EYS: variants seen among roughly 807,000 people sequenced by gnomAD.
The protein encoded by EYS is protein eyes shut homolog.
EYS carries 250 observed loss-of-function variants against 282.1 expected under a neutral mutation model. That is an observed-to-expected ratio of 0.89 (90% CI 0.80 to 0.98). The LOEUF is 0.98. EYS is among the 50% of genes least tolerant of loss of function. The pLI is 0.00. For synonymous variants in EYS, 1,355 were observed against 1,282.9 expected (o/e 1.06, Z -1.20); for missense variants, 4,016 against 3,709.0 (o/e 1.08, Z -2.15).
rs139243840 is a variant in EYS, at chr6:65,273,814, G to A, written c.2023+22049C>T. ...AAACCCCACTCTGTCTTTGTTCAAG[G>A]TTCAGCTTTTTGTATGCGAATCCAC... On this transcript the variant is annotated intron_variant, in intron 12 of 42. Coordinates refer to ENST00000503581, the MANE Select transcript of EYS (RefSeq NM_001142800.2). 1.5e-4 allele frequency among the ~76,000 whole-genome samples: 23 copies of A among 152,184 alleles called. 1 individual carries two copies. The highest frequency in any genetic ancestry group is 5.1e-4 in the African/African-American group (21 of 41,534).
chr6:63,823,650 A>G (rs1028625345), intron 36 of EYS, among the ~76,000 whole-genome samples: 2 of 152,094 alleles, frequency 1.3e-5, no homozygotes, highest in Admixed American at 6.5e-5. Context: ...TTTAGCTTTA[A>G]TAATAACCAA....
At chr6:64,513,566 G>A (rs1724824158) in intron 26 of EYS, among the ~76,000 whole-genome samples, 1 of 151,782 alleles carries the variant, frequency 6.6e-6, no homozygotes, top group South Asian at 2.1e-4. Flanking sequence ...ATGGGTAATG[G>A]ATAATGGGCA....
chr6:64,635,540 T>C (rs903153812), intron 22 of EYS, among the ~76,000 whole-genome samples: 2 of 152,230 alleles, frequency 1.3e-5, no homozygotes, highest in African/African-American at 4.8e-5. Context: ...GAAGTAGTTG[T>C]TGAATTTTGT....
chr6:64,707,701 A>G (rs1231272609), intron 22 of EYS, among the ~76,000 whole-genome samples: 2 of 150,550 alleles, frequency 1.3e-5, no homozygotes, highest in East Asian at 2.0e-4. Flanking sequence ...CATTGGGTAC[A>G]GTGTACACTG....
intron 22 of EYS, among the ~76,000 whole-genome samples, chr6:64,662,561 T>A (rs935525308): frequency 4.6e-5 from 7 of 152,166 alleles, no homozygotes; most frequent in Non-Finnish European, 1.0e-4. Flanking sequence ...TGAAATGCCT[T>A]TATTAAACTC....
chr6:63,874,827 C>G (rs185829644), intron 35 of EYS, among the ~76,000 whole-genome samples: 1 of 152,278 alleles, frequency 6.6e-6, no homozygotes, highest in Admixed American at 6.5e-5. Context: ...ATTTTGTATC[C>G]TGAGACTTTA....
intron 12 of EYS, among the ~76,000 whole-genome samples, chr6:65,173,034 A>C (rs926317040): frequency 1.3e-5 from 2 of 151,182 alleles, no homozygotes; most frequent in African/African-American, 4.8e-5. Context: ...TTTAATTGAA[A>C]TTCTCTACTT....
chr6:65,232,581 C>A (rs9453229), intron 12 of EYS, among the ~76,000 whole-genome samples: 2,076 of 152,092 alleles, frequency 0.014, 30 homozygotes, highest in African/African-American at 0.042. Flanking sequence ...CCCATATACC[C>A]CTCACCCAGT....
intron 21 of EYS, among the ~76,000 whole-genome samples, chr6:64,816,159 A>G (rs1764736874): frequency 6.6e-6 from 1 of 152,136 alleles, no homozygotes; most frequent in Non-Finnish European, 1.5e-5. Context: ...AGAGAGAACT[A>G]CTATTTGAAG....
At chr6:65,166,198 A>T (rs1159019808) in intron 12 of EYS, among the ~76,000 whole-genome samples, 1 of 151,076 alleles carries the variant, frequency 6.6e-6, no homozygotes, top group Non-Finnish European at 1.5e-5. Context: ...CCCTACTGAA[A>T]TCCAAGCTGA....
At chr6:65,189,825 C>T (rs1472126093) in intron 12 of EYS, among the ~76,000 whole-genome samples, 1 of 151,800 alleles carries the variant, frequency 6.6e-6, no homozygotes, top group African/African-American at 2.4e-5. Context: ...TTGCAAGCCT[C>T]TTCAGAGGAA....
intron 31 of EYS, among the ~76,000 whole-genome samples, chr6:64,179,350 T>C (rs1404495289): frequency 6.6e-6 from 1 of 152,040 alleles, no homozygotes; most frequent in Non-Finnish European, 1.5e-5. Flanking sequence ...AGAAATTAAG[T>C]TTTTAAAAAA....
At chr6:64,488,068 A>G (rs983451924) in intron 26 of EYS, among the ~76,000 whole-genome samples, 1 of 151,074 alleles carries the variant, frequency 6.6e-6, no homozygotes, top group Admixed American at 6.6e-5. Flanking sequence ...TATAGTTCAT[A>G]CTTGATTAAA....
intron 31 of EYS, among the ~76,000 whole-genome samples, chr6:64,189,022 A>G (rs1023665112): frequency 1.3e-5 from 2 of 152,176 alleles, no homozygotes; most frequent in African/African-American, 4.8e-5. Flanking sequence ...GATAATAATA[A>G]TGTGTAATAT....
intron 31 of EYS, among the ~76,000 whole-genome samples, chr6:64,096,670 T>C: frequency 6.6e-6 from 1 of 152,192 alleles, no homozygotes; most frequent in Non-Finnish European, 1.5e-5. Flanking sequence ...TTTCCAAGGT[T>C]GTTATCTTCT....
At chr6:64,685,474 T>C (rs917125478) in intron 22 of EYS, among the ~76,000 whole-genome samples, 1 of 152,052 alleles carries the variant, frequency 6.6e-6, no homozygotes, top group Non-Finnish European at 1.5e-5. Context: ...TAGACTAATG[T>C]TTTGGGGTGG....
At chr6:64,962,406 T>C (rs1370613283) in intron 14 of EYS, among the ~76,000 whole-genome samples, 1 of 152,096 alleles carries the variant, frequency 6.6e-6, no homozygotes, top group East Asian at 1.9e-4. Flanking sequence ...ATAAATTGTG[T>C]TATTTCTTTA....
At chr6:63,880,483 GTCTGTATCTATCTATC>G (rs1279796784) in intron 35 of EYS, among the ~76,000 whole-genome samples, 10 of 120,302 alleles carry the variant, frequency 8.3e-5, no homozygotes, top group Admixed American at 2.4e-4. Context: ...CTGTCTGTCT[GTCTGTATCTATCTATC>G]TATCTATCTA....
intron 32 of EYS, among the ~76,000 whole-genome samples, chr6:64,069,786 T>C (rs1289487272): frequency 1.3e-5 from 2 of 152,156 alleles, no homozygotes; most frequent in Non-Finnish European, 2.9e-5. Context: ...AAAGAGCTTT[T>C]GTTTACATGT....
Sources: gnomAD v4.1 joint callset for allele counts (sites outside exome capture counted in the v4.1 genomes callset) on GRCh38, gnomAD v4.1.1 for gene constraint, MANE v1.5 for transcripts, NCBI Gene and HGNC (gene_info 2026-07-23, HGNC 2026-07-21) for gene names.